SHC1: variants seen among roughly 807,000 people sequenced by gnomAD.
SHC1 encodes the protein SHC-transforming protein 1.
SHC1 carries 30 observed loss-of-function variants against 55.9 expected under a neutral mutation model. The ratio of observed to expected loss-of-function variants is 0.54; its 90% CI spans 0.40 to 0.73. The LOEUF (loss-of-function observed/expected upper bound fraction) is 0.73. Among genes scored for constraint, SHC1 ranks in the 30% least tolerant of loss-of-function variants. The pLI is 0.00. For synonymous variants in SHC1, 309 were observed against 306.1 expected (o/e 1.01, Z -0.10); for missense variants, 675 against 777.1 (o/e 0.87, Z 1.56).
In SHC1 at chr1:154,965,609, C is replaced by T; in HGVS notation, c.1560G>A (p.Gln520=). ...LVRESTTTPG[Q]YVLTGLQSGQ... ...CACTCTGCAAGCCAGTGAGCACATACTGGCCAGGTGTGGTCGTGCTCTCCC... is the reference window on the plus strand; with the variant it reads ...CACTCTGCAAGCCAGTGAGCACATATTGGCCAGGTGTGGTCGTGCTCTCCC... The change falls in exon 11 of 12, where the codon CAG becomes CAA. Residue 520 remains glutamine, a synonymous_variant. Coordinates refer to ENST00000448116, the MANE Select transcript of SHC1 (RefSeq NM_001130040.2). The T allele has an allele frequency of 6.2e-7, 1 of 1,614,210 alleles. No homozygotes were observed. Among genetic ancestry groups the T allele is most frequent in the Non-Finnish European group, 8.5e-7 (1 of 1,180,042 alleles).
upstream of SHC1, among the ~76,000 whole-genome samples, chr1:154,971,839 G>A (rs1406737113): frequency 2.0e-5 from 3 of 152,182 alleles, no homozygotes; most frequent in African/African-American, 7.2e-5. Flanking sequence ...ATGGGTTGAA[G>A]CTGGACACAG....
Position 154,968,601 on chromosome 1 carries a change from G to GGGC in SHC1, c.641_643dup (p.Arg214dup). 6.2e-7 allele frequency: 1 copy of GGGC among 1,614,066 alleles called. No homozygotes were observed. Among genetic ancestry groups the GGGC allele is most frequent in the Non-Finnish European group, 8.5e-7 (1 of 1,180,000 alleles). ...ACTCCTCCCCAGGATAGAGCTGAGCGGGCGGCTACAGGGCTAAGGTAGGGC... is the reference window on the plus strand; with the variant it reads ...ACTCCTCCCCAGGATAGAGCTGAGCGGGCGGCGGCTACAGGGCTAAGGTAGGGC... On this transcript the variant is annotated inframe_insertion, in exon 4 of 12. Transcript: ENST00000448116.
intron 11 of SHC1, among the ~76,000 whole-genome samples, chr1:154,964,723 C>T (rs1655725123): frequency 1.3e-5 from 2 of 152,280 alleles, no homozygotes; most frequent in South Asian, 2.1e-4. Flanking sequence ...ACCTCAGCTT[C>T]GCAAAATGTT....
At position 154,968,051 on chromosome 1, in the gene SHC1, A is replaced by T. The variant is rs778250666; in HGVS notation, c.805-20T>A. On this transcript the variant is annotated intron_variant, in intron 5 of 11. Transcript: ENST00000448116. ...TGTGTCCTGGGGAGGAAGGTCAAAAAATTTTACAGTTCTACTTTACTCCTG... is the reference window on the plus strand; with the variant it reads ...TGTGTCCTGGGGAGGAAGGTCAAAATATTTTACAGTTCTACTTTACTCCTG... 1 of 1,613,872 alleles carries T rather than the reference A, an allele frequency of 6.2e-7. No individual in the cohort carries two copies. The highest frequency in any genetic ancestry group is 1.1e-5 in the South Asian group (1 of 91,078).
At chr1:154,971,037 C>T (rs1008424119), upstream of SHC1, among the ~76,000 whole-genome samples, 1 of 152,000 alleles carries the variant, frequency 6.6e-6, no homozygotes, top group Non-Finnish European at 1.5e-5. Context: ...CACTCAAAAC[C>T]GGACACACGC....
rs1655559237 is a variant in SHC1, at chr1:154,963,709, A to G, written c.*94T>C. 7.1e-7 allele frequency: 1 copy of G among 1,400,410 alleles called. No homozygotes were observed. The highest frequency in any genetic ancestry group is 1.4e-5 in the African/African-American group (1 of 71,072). 86.7% of individuals were successfully genotyped at this position (1,400,410 alleles called of 1,614,324 possible). A position where few individuals can be genotyped will look rare whatever the true frequency, so the allele number is the denominator to read the frequency against. On this transcript the variant is annotated 3_prime_UTR_variant, in exon 12 of 12. Transcript: ENST00000448116. ...TACTCCCAGCTCTGACACAAGGCCA[A>G]GCCCACAGAACACTCCCAAACGAGG... is the stretch of plus-strand genomic sequence containing the variant.
chr1:154,968,811 T>G lies in SHC1; in HGVS notation c.590A>C (p.Glu197Ala). Reference sequence around the variant, plus strand: ...CGCCCCCTTAGCACCCGGCACAGCCTCACACACCAGACTGATGGCCTCCCT... The same window carrying G: ...CGCCCCCTTAGCACCCGGCACAGCCGCACACACCAGACTGATGGCCTCCCT... ...VTREAISLVC[E>A]AVPGAKGATR... Residue 197 changes from glutamate (E) to alanine (A), a missense_variant, in exon 3 of 12, where the codon GAG (glutamate) becomes GCG (alanine). By Grantham distance (107) the Glu-to-Ala change is moderately radical. Around this residue, in one of 3 missense-constraint regions of SHC1, gnomAD observed 159 missense variants for 246.9 expected, o/e 0.64. Coordinates refer to ENST00000448116, the MANE Select transcript of SHC1 (RefSeq NM_001130040.2). 6.2e-7 allele frequency: 1 copy of G among 1,613,836 alleles called. No homozygotes were observed. Among genetic ancestry groups the G allele is most frequent in the Non-Finnish European group, 8.5e-7 (1 of 1,179,914 alleles).
At chr1:154,972,002 C>CT, upstream of SHC1, among the ~76,000 whole-genome samples, 1 of 152,014 alleles carries the variant, frequency 6.6e-6, no homozygotes, top group African/African-American at 2.4e-5. Context: ...GATACCAGCA[C>CT]TTTGGGAGGC....
At chr1:154,966,548 T>TA in intron 7 of SHC1, 31 bp from the exon 8 acceptor site, 2 of 1,472,990 alleles carry the variant, frequency 1.4e-6, no homozygotes. Context: ...GCTGTGGCTG[T>TA]AAATGTGTGG....
chr1:154,969,687 G>T (rs531467705), intron 1 of SHC1, among the ~76,000 whole-genome samples: 1 of 152,306 alleles, frequency 6.6e-6, no homozygotes, highest in South Asian at 2.1e-4. Context: ...GGGACCGACA[G>T]GCATTGGCTG....
rs974306845 is a variant in SHC1, at chr1:154,963,389, G to T, written c.*414C>A. ...TCAAAGGCACAAAGTTTAAACATGG[G>T]GGGGGCGGGTGTTGAGAGGGGTCTG... is the stretch of plus-strand genomic sequence containing the variant. On this transcript the variant is annotated 3_prime_UTR_variant, in exon 12 of 12. Transcript: ENST00000448116. The T allele has an allele frequency of 1.2e-4, 20 of 166,946 alleles. No individual in the cohort carries two copies. The highest frequency in any genetic ancestry group is 2.2e-4 in the Non-Finnish European group (17 of 75,904). The allele number at this position is 166,946 out of a possible 1,614,324, so 10.3% of individuals were successfully genotyped here. A position where few individuals can be genotyped will look rare whatever the true frequency, so the allele number is the denominator to read the frequency against.
chr1:154,971,963 T>G (rs1326801787), upstream of SHC1, among the ~76,000 whole-genome samples: 1 of 151,014 alleles, frequency 6.6e-6, no homozygotes, highest in Non-Finnish European at 1.5e-5. Context: ...AGATACGTAT[T>G]CCTACCGGGC....
Position 154,963,705 on chromosome 1 carries a change from G to GCCAAGC in SHC1, c.*92_*97dup, listed in dbSNP as rs1224492102. On this transcript the variant is annotated 3_prime_UTR_variant, in exon 12 of 12. Coordinates refer to ENST00000448116, the MANE Select transcript of SHC1 (RefSeq NM_001130040.2). ...ATGCTACTCCCAGCTCTGACACAAG[G>GCCAAGC]CCAAGCCCACAGAACACTCCCAAAC... The GCCAAGC allele has an allele frequency of 7.3e-7, 1 of 1,363,976 alleles. No individual in the cohort carries two copies. The highest frequency in any genetic ancestry group is 1.4e-5 in the African/African-American group (1 of 70,468). 84.5% of individuals were successfully genotyped at this position (1,363,976 alleles called of 1,614,324 possible).
At position 154,966,326 on chromosome 1, in the gene SHC1, G is replaced by A. The variant is rs1335827830; in HGVS notation, c.1175C>T (p.Ala392Val). ...PNAQTPSHLG[A>V]TLPVGQPVGG... ...TCCATCCAAGCAACTTACCAATGTA[G>A]CTCCCAAGTGGCTGGGGGTCTGGGC... Residue 392 changes from alanine to valine, a missense_variant, in exon 8 of 12, where the codon GCT becomes GTT. Ala to Val is a moderately conservative substitution (Grantham distance 64). Around this residue, in one of 3 missense-constraint regions of SHC1, gnomAD observed 360 missense variants for 371.1 expected, o/e 0.97. Transcript: ENST00000448116. The A allele has an allele frequency of 1.2e-6, 2 of 1,613,730 alleles. No individual in the cohort carries two copies. Among genetic ancestry groups the A allele is most frequent in the Non-Finnish European group, 1.7e-6 (2 of 1,179,784 alleles).
intron 3 of SHC1, 78 bp downstream of exon 3, chr1:154,968,693 C>T (rs1656332979): frequency 1.2e-6 from 2 of 1,609,852 alleles, no homozygotes; most frequent in African/African-American, 1.3e-5. Flanking sequence ...GGCCCTCTCC[C>T]CACATGCCCC....
chr1:154,967,111 A>G (rs1656089294), intron 7 of SHC1, among the ~76,000 whole-genome samples: 1 of 151,366 alleles, frequency 6.6e-6, no homozygotes, highest in Non-Finnish European at 1.5e-5. Flanking sequence ...TGTCTCAAAT[A>G]AGTAATGCTC....
intron 4 of SHC1, 92 bp from the exon 5 acceptor site, chr1:154,968,349 C>G: frequency 6.5e-7 from 1 of 1,540,748 alleles, no homozygotes; most frequent in Non-Finnish European, 9.0e-7. Context: ...GTCTCATTCT[C>G]TGGGTTCCTT....
rs1656652544 is a variant in SHC1 at position 154,970,666 on chromosome 1, G to A, written c.-140C>T. On this transcript the variant is annotated 5_prime_UTR_variant, in exon 1 of 12. Transcript: ENST00000448116. This position sits in a 1 kb window ranked among gnomAD's most constrained non-coding sequence, Gnocchi z 5.5. ...GAGTCACAGAAGTCCTGGGGAGGGAGAGGGACAAGTGGCTTCCGCTCCCCA... is the reference window on the plus strand; with the variant it reads ...GAGTCACAGAAGTCCTGGGGAGGGAAAGGGACAAGTGGCTTCCGCTCCCCA... 5.0e-6 allele frequency: 3 copies of A among 596,192 alleles called. No individual in the cohort carries two copies. Among genetic ancestry groups the A allele is most frequent in the Non-Finnish European group, 8.8e-6 (3 of 340,940 alleles). The allele number at this position is 596,192 out of a possible 1,614,324, so 36.9% of individuals were successfully genotyped here. A position where few individuals can be genotyped will look rare whatever the true frequency, so the allele number is the denominator to read the frequency against.
chr1:154,970,405 G>T lies in SHC1; in HGVS notation c.122C>A (p.Ser41Tyr). ...PEELPSPSAS[S>Y]LGPILPPLPG... ...CAGAGGAGGCAGGATGGGCCCCAGGGATGAAGCTGATGGGGAAGGCAGCTC... is the reference window on the plus strand; with the variant it reads ...CAGAGGAGGCAGGATGGGCCCCAGGTATGAAGCTGATGGGGAAGGCAGCTC... The change falls in exon 1 of 12, where the codon TCC becomes TAC. Residue 41 changes from serine (S) to tyrosine (Y), a missense_variant. This residue lies in a region of SHC1 where 156 missense variants were observed against 159.1 expected (regional missense o/e 0.98). Transcript: ENST00000448116. This position sits in a 1 kb window ranked among gnomAD's most constrained non-coding sequence, Gnocchi z 5.5. 1 of 1,604,272 alleles carries T rather than the reference G, an allele frequency of 6.2e-7. No homozygotes were observed. The highest frequency in any genetic ancestry group is 8.5e-7 in the Non-Finnish European group (1 of 1,175,754).
Sources: gnomAD v4.1 joint callset for allele counts (sites outside exome capture counted in the v4.1 genomes callset) on GRCh38, gnomAD v4.1.1 for gene constraint, gnomAD v4.1.1 regional missense constraint, Gnocchi (gnomAD v3.1) non-coding constraint, MANE v1.5 for transcripts, NCBI Gene and HGNC (gene_info 2026-07-23, HGNC 2026-07-21) for gene names.